Variants in CDH19 observed in about 807,000 individuals in gnomAD.
CDH19 encodes the protein cadherin 19, also known as cadherin-19.
CDH19 carries 67 observed loss-of-function variants against 64.2 expected under a neutral mutation model. The observed-to-expected ratio is 1.04, with a 90% CI of 0.86 to 1.28. CDH19 has a LOEUF of 1.28. CDH19 is among the 50% of genes most tolerant of loss of function. The pLI, the probability that CDH19 is intolerant of heterozygous loss-of-function variation, is 0.00. For synonymous variants in CDH19, 346 were observed against 319.3 expected (o/e 1.08, Z -0.89); for missense variants, 1,030 against 929.0 (o/e 1.11, Z -1.41).
At chr18:66,584,728 T>A (rs1265849998) in intron 1 of CDH19, among the ~76,000 whole-genome samples, 1 of 152,072 alleles carries the variant, frequency 6.6e-6, no homozygotes. Flanking sequence ...TGATTTTAAC[T>A]TAACCATCAC....
At chr18:66,561,842 GGGT>G (rs1306417540) in intron 3 of CDH19, among the ~76,000 whole-genome samples, 2 of 151,840 alleles carry the variant, frequency 1.3e-5, no homozygotes, top group Non-Finnish European at 2.9e-5. Flanking sequence ...ATGTAATCTT[GGGT>G]TCCATTATTG....
intron 8 of CDH19, among the ~76,000 whole-genome samples, chr18:66,533,386 A>G (rs2144432629): frequency 6.6e-6 from 1 of 152,176 alleles, no homozygotes; most frequent in Non-Finnish European, 1.5e-5. Context: ...GAAATTAACC[A>G]GAAAATTTAG....
chr18:66,585,435 A>G (rs1199074983), intron 1 of CDH19, among the ~76,000 whole-genome samples: 5 of 152,156 alleles, frequency 3.3e-5, no homozygotes, highest in African/African-American at 1.2e-4. Flanking sequence ...AACACTTGCT[A>G]GTTCCATCAC....
In CDH19 at chr18:66,601,380, G is replaced by A. The variant is rs368909017; in HGVS notation, c.-113+2574C>T. Among the ~76,000 whole-genome samples, 4 of 151,978 alleles carry A rather than the reference G, an allele frequency of 2.6e-5. No individual in the cohort carries two copies. In the East Asian group the frequency reaches 7.7e-4, roughly 29 times the overall value. On this transcript the variant is annotated intron_variant, in intron 1 of 11. Transcript: ENST00000262150. ...GCCTAGGTTATTTTAAGACATGACT[G>A]ATGTGCCAAAATTATCCCCACTTTA... is the stretch of plus-strand genomic sequence containing the variant.
At chr18:66,506,862 T>C (rs184109762) in intron 11 of CDH19, among the ~76,000 whole-genome samples, 33 of 152,090 alleles carry the variant, frequency 2.2e-4, no homozygotes, top group Admixed American at 1.6e-3. Flanking sequence ...ATTTAAAATA[T>C]CTAAATTAAA....
intron 7 of CDH19, among the ~76,000 whole-genome samples, chr18:66,538,335 C>T (rs1047156392): frequency 2.6e-5 from 4 of 151,836 alleles, no homozygotes; most frequent in African/African-American, 9.7e-5. Context: ...GATTTTTTTC[C>T]AGAGTTTACA....
chr18:66,521,712 A>AT (rs1346973978), intron 9 of CDH19, among the ~76,000 whole-genome samples: 5 of 151,526 alleles, frequency 3.3e-5, no homozygotes, highest in African/African-American at 1.2e-4. Context: ...ATTAAAAAAA[A>AT]AAAATGTAGA....
chr18:66,582,623 G>A (rs1020715475), intron 1 of CDH19, among the ~76,000 whole-genome samples: 1 of 120,608 alleles, frequency 8.3e-6, no homozygotes, highest in Non-Finnish European at 1.6e-5. Context: ...CATATAATTT[G>A]CATACTTACT....
Position 66,510,413 on chromosome 18 carries a change from T to C in CDH19, c.1576+1155A>G, listed in dbSNP as rs981286140. Reference sequence around the variant, plus strand: ...TATTTCACCTCAGTAATTTATTTTATATTAATATAAATTAATCTATATATA... The same window carrying C: ...TATTTCACCTCAGTAATTTATTTTACATTAATATAAATTAATCTATATATA... On this transcript the variant is annotated intron_variant, in intron 10 of 11. Transcript: ENST00000262150. 8.7e-5 allele frequency among the ~76,000 whole-genome samples: 13 copies of C among 149,378 alleles called. 1 individual carries two copies. Among genetic ancestry groups the C allele is most frequent in the African/African-American group, 2.9e-4 (12 of 41,102 alleles).
At chr18:66,522,237 C>G (rs537040506) in intron 9 of CDH19, among the ~76,000 whole-genome samples, 2 of 147,604 alleles carry the variant, frequency 1.4e-5, no homozygotes, top group South Asian at 4.3e-4. Context: ...TGTGAGCCAC[C>G]CAGCCCGGCG....
At chr18:66,593,012 C>G (rs1445560141) in intron 1 of CDH19, among the ~76,000 whole-genome samples, 1 of 151,720 alleles carries the variant, frequency 6.6e-6, no homozygotes, top group Non-Finnish European at 1.5e-5. Context: ...TACTATTTTA[C>G]CTTCTCAGCA....
intron 9 of CDH19, among the ~76,000 whole-genome samples, chr18:66,521,349 A>G (rs980747831): frequency 1.3e-5 from 2 of 152,106 alleles, no homozygotes; most frequent in African/African-American, 2.4e-5. Flanking sequence ...AAAGTCACCC[A>G]CGGTATTTAC....
chr18:66,510,847 T>A (rs910241365), intron 10 of CDH19, among the ~76,000 whole-genome samples: 1 of 151,646 alleles, frequency 6.6e-6, no homozygotes, highest in Non-Finnish European at 1.5e-5. Context: ...TAACCTCAGC[T>A]GTAAGGAGAA....
At chr18:66,536,945 G>T (rs377228617) in intron 7 of CDH19, among the ~76,000 whole-genome samples, 1 of 151,686 alleles carries the variant, frequency 6.6e-6, no homozygotes, top group Non-Finnish European at 1.5e-5. Flanking sequence ...CATGACCTCA[G>T]CAAAATTTAA....
chr18:66,571,099 C>CGT lies in CDH19; in HGVS notation c.195+909_195+910dup, dbSNP rs558011221. Among the ~76,000 whole-genome samples the CGT allele has an allele frequency of 3.0e-4, 45 of 150,550 alleles. 1 individual carries two copies. In the South Asian group the frequency reaches 4.6e-3, roughly 15 times the overall value. On this transcript the variant is annotated intron_variant, in intron 2 of 11. Transcript: ENST00000262150. ...CTTGTAATGTGTGTGTGTGTGTATG[C>CGT]GTGTGTGTGTGTGTTCACAATACAC...
At chr18:66,533,938 C>T (rs1169448158) in intron 8 of CDH19, among the ~76,000 whole-genome samples, 1 of 151,740 alleles carries the variant, frequency 6.6e-6, no homozygotes, top group Non-Finnish European at 1.5e-5. Flanking sequence ...ATATTGATTT[C>T]ACAGTAGTAA....
At chr18:66,535,746 T>G (rs9962257) in intron 7 of CDH19, among the ~76,000 whole-genome samples, 1 of 147,126 alleles carries the variant, frequency 6.8e-6, no homozygotes, top group Non-Finnish European at 1.5e-5. Flanking sequence ...TGCTTTATTC[T>G]ATATTACATA....
intron 1 of CDH19, among the ~76,000 whole-genome samples, chr18:66,579,395 C>T (rs1988359344): frequency 6.6e-6 from 1 of 151,896 alleles, no homozygotes; most frequent in Non-Finnish European, 1.5e-5. Flanking sequence ...AACAATCAAA[C>T]AAACCCAAAT....
Position 66,544,754 on chromosome 18 carries a change from G to C in CDH19, c.925C>G (p.His309Asp). Residue 309 changes from histidine to aspartate, a missense_variant, in exon 6 of 12, where the codon CAT becomes GAT. Coordinates refer to ENST00000262150, the MANE Select transcript of CDH19 (RefSeq NM_021153.4). ...ATAACTATTCCTTCTTGAGTTTCAT[G>C]ATTAGTAATAATGTCAAATGTTTGC... is the stretch of plus-strand genomic sequence containing the variant. ...DSQTFDIITN[H>D]ETQEGIVILK... is the part of the protein sequence containing the mutation. The C allele has an allele frequency of 6.2e-7, 1 of 1,610,078 alleles. No homozygotes were observed. The highest frequency in any genetic ancestry group is 8.5e-7 in the Non-Finnish European group (1 of 1,177,638).
Sources: allele counts gnomAD v4.1 joint callset (sites outside exome capture counted in the v4.1 genomes callset), GRCh38; gene constraint gnomAD v4.1.1; transcripts MANE v1.5; gene names NCBI Gene and HGNC (gene_info 2026-07-23, HGNC 2026-07-21).